The following SEC24D variants were observed in gnomAD, a reference collection of about 807,000 sequenced individuals.
SEC24D encodes the protein protein transport protein Sec24D.
A neutral mutation model predicts 116.9 loss-of-function variants in SEC24D; 69 were observed. The ratio of observed to expected loss-of-function variants is 0.59; its 90% CI spans 0.49 to 0.72. The LOEUF is 0.72. Among genes scored for constraint, SEC24D ranks in the 30% least tolerant of loss-of-function variants. The pLI, the probability that SEC24D is intolerant of heterozygous loss-of-function variation, is 0.00. For synonymous variants in SEC24D, 405 were observed against 442.8 expected (o/e 0.91, Z 1.07); for missense variants, 1,131 against 1,264.1 (o/e 0.89, Z 1.60).
At chr4:118,776,916 C>T (rs1026966070) in intron 8 of SEC24D, among the ~76,000 whole-genome samples, 5 of 152,048 alleles carry the variant, frequency 3.3e-5, no homozygotes, top group Non-Finnish European at 7.4e-5. Context: ...GCTTTCCACT[C>T]CTCAAAGGAA....
At chr4:118,812,436 C>A (rs545079983) in intron 6 of SEC24D, among the ~76,000 whole-genome samples, 1 of 152,192 alleles carries the variant, frequency 6.6e-6, no homozygotes, top group South Asian at 2.1e-4. Flanking sequence ...CCATCCTGGG[C>A]CTATAAAAAC....
chr4:118,819,254 G>A (rs1730285898), intron 3 of SEC24D, among the ~76,000 whole-genome samples: 1 of 152,038 alleles, frequency 6.6e-6, no homozygotes, highest in East Asian at 1.9e-4. Context: ...TTTGTCTGCG[G>A]GGCGTGGTGG....
At chr4:118,779,351 T>C (rs1045517470) in intron 8 of SEC24D, among the ~76,000 whole-genome samples, 1 of 152,218 alleles carries the variant, frequency 6.6e-6, no homozygotes, top group African/African-American at 2.4e-5. Context: ...TCTGCGTCTA[T>C]TGAGATAATC....
chr4:118,750,190 T>C (rs1330526793), intron 13 of SEC24D, among the ~76,000 whole-genome samples: 2 of 151,866 alleles, frequency 1.3e-5, no homozygotes, highest in African/African-American at 2.4e-5. Flanking sequence ...CTGCAGTCGT[T>C]GTACTGCGTG....
chr4:118,797,763 A>T lies in SEC24D; in HGVS notation c.961T>A (p.Cys321Ser). 1 of 1,611,774 alleles carries T rather than the reference A, an allele frequency of 6.2e-7. No individual in the cohort carries two copies. The highest frequency in any genetic ancestry group is 1.1e-5 in the South Asian group (1 of 90,790). The change falls in exon 8 of 23, where the codon TGC becomes AGC. Residue 321 changes from cysteine to serine, a missense_variant. Cys to Ser is a moderately radical substitution (Grantham distance 112). Transcript: ENST00000280551. ...GCTTGCTTAGCCATATCTGACGTGC[A>T]TGGAAAACAGTATGTTGTACAACGG... The part of the protein sequence containing the change: ...FIRCTTYCFP[C>S]TSDMAKQAQI...
chr4:118,812,968 T>C (rs1423933319), intron 6 of SEC24D, among the ~76,000 whole-genome samples: 1 of 152,156 alleles, frequency 6.6e-6, no homozygotes, highest in Non-Finnish European at 1.5e-5. Flanking sequence ...CCCTAGAGAT[T>C]TGAGCTTTGG....
In SEC24D at chr4:118,738,292, T is replaced by C. The variant is rs1275097496; in HGVS notation, c.2465A>G (p.Lys822Arg). The C allele has an allele frequency of 1.9e-6, 3 of 1,613,598 alleles. No homozygotes were observed. In the Admixed American group the frequency reaches 5.0e-5, roughly 27 times the overall value. ...TGCTGCAGAAGGACTTGCACAATTC[T>C]TCCGGTAACATGCCAACATATGGGC... Reference protein sequence around the residue: ...QTAHMLACYRKNCASPSAASQ... With the variant: ...QTAHMLACYRRNCASPSAASQ... The change falls in exon 19 of 23, where the codon AAG becomes AGG. Residue 822 changes from lysine to arginine, a missense_variant. Physicochemically the swap from Lys to Arg is conservative, Grantham distance 26. Coordinates refer to ENST00000280551, the MANE Select transcript of SEC24D (RefSeq NM_014822.4).
At chr4:118,825,445 A>C (rs1730557806) in intron 2 of SEC24D, 1 of 416,690 alleles carries the variant, frequency 2.4e-6, no homozygotes, top group Non-Finnish European at 4.7e-6. Context: ...AGAGACCTTT[A>C]AAGACTTCTC....
intron 6 of SEC24D, among the ~76,000 whole-genome samples, chr4:118,812,478 C>A (rs1372302045): frequency 6.6e-6 from 1 of 152,062 alleles, no homozygotes; most frequent in Non-Finnish European, 1.5e-5. Flanking sequence ...ACAAAGGCAG[C>A]CAGACGTGGA....
At chr4:118,789,385 T>A (rs1728792700) in intron 8 of SEC24D, among the ~76,000 whole-genome samples, 1 of 152,234 alleles carries the variant, frequency 6.6e-6, no homozygotes, top group African/African-American at 2.4e-5. Context: ...AGGTGACATG[T>A]AAAGACCATC....
Position 118,814,786 on chromosome 4 carries a change from CA to C in SEC24D, c.801+241del, listed in dbSNP as rs138196000. Among the ~76,000 whole-genome samples the C allele has an allele frequency of 0.045, 6,624 of 148,144 alleles. 197 individuals are homozygous for C. The highest frequency in any genetic ancestry group is 0.065 in the Non-Finnish European group (4,322 of 66,976). ...AGACACTGCCAAGTTTATATGACAC[CA>C]AAAAAAAAGAAAAAAAAAATCAGCA... On this transcript the variant is annotated intron_variant, in intron 6 of 22. Transcript: ENST00000280551.
chr4:118,819,921 A>G (rs554244988), intron 3 of SEC24D, among the ~76,000 whole-genome samples: 1 of 152,336 alleles, frequency 6.6e-6, no homozygotes, highest in South Asian at 2.1e-4. Flanking sequence ...ATTACTTTCA[A>G]CTCATAAATG....
At chr4:118,802,636 AC>A (rs1729492920) in intron 7 of SEC24D, among the ~76,000 whole-genome samples, 1 of 152,224 alleles carries the variant, frequency 6.6e-6, no homozygotes, top group African/African-American at 2.4e-5. Context: ...AGGAGAGAGA[AC>A]GATGACTGAG....
intron 8 of SEC24D, among the ~76,000 whole-genome samples, chr4:118,790,211 T>C (rs1286810593): frequency 6.6e-6 from 1 of 152,238 alleles, no homozygotes; most frequent in African/African-American, 2.4e-5. Flanking sequence ...GAAATTACTT[T>C]GACTACTATA....
chr4:118,731,603 C>G, intron 20 of SEC24D, 96 bp from the exon 21 acceptor site: 1 of 955,644 alleles, frequency 1.0e-6, no homozygotes, highest in East Asian at 2.4e-5. Context: ...TCCCCTCCCT[C>G]AATGCATAGT....
chr4:118,824,397 C>T (rs544908288), intron 3 of SEC24D, among the ~76,000 whole-genome samples: 1 of 152,266 alleles, frequency 6.6e-6, no homozygotes, highest in East Asian at 1.9e-4. Context: ...CTGCCCAACT[C>T]GACCTCTCAA....
At chr4:118,816,275 G>A (rs1024806119) in intron 4 of SEC24D, among the ~76,000 whole-genome samples, 6 of 151,814 alleles carry the variant, frequency 4.0e-5, no homozygotes, top group Non-Finnish European at 7.4e-5. Flanking sequence ...TTTAAGTAAG[G>A]GAATTCATAG....
intron 6 of SEC24D, among the ~76,000 whole-genome samples, chr4:118,809,696 T>C (rs1293459721): frequency 2.0e-5 from 3 of 152,168 alleles, no homozygotes; most frequent in Non-Finnish European, 4.4e-5. Context: ...ACATATACTA[T>C]GTATCAGGCT....
At chr4:118,805,347 T>A (rs914456609) in intron 7 of SEC24D, among the ~76,000 whole-genome samples, 1 of 152,202 alleles carries the variant, frequency 6.6e-6, no homozygotes, top group African/African-American at 2.4e-5. Context: ...GGGTAATATA[T>A]TCTTGAGCTG....
Sources: gnomAD v4.1 joint callset for allele counts (sites outside exome capture counted in the v4.1 genomes callset) on GRCh38, gnomAD v4.1.1 for gene constraint, MANE v1.5 for transcripts, NCBI Gene and HGNC (gene_info 2026-07-23, HGNC 2026-07-21) for gene names.